Variants in ARB2A observed in about 807,000 individuals in gnomAD.
The protein encoded by ARB2A is ARB2 cotranscriptional regulator A.
chr5:93,620,710 G>T, the ARB2A span: 176 of 318,046 alleles, frequency 5.5e-4, 1 homozygote, highest in African/African-American at 2.9e-3. Flanking sequence ...TTCGCCGGCC[G>T]AGCCAGGCAG....
At chr5:93,727,078 T>A in the ARB2A span, among the ~76,000 whole-genome samples, 1 of 152,044 alleles carries the variant, frequency 6.6e-6, no homozygotes, top group Non-Finnish European at 1.5e-5. Context: ...TAATTAAAAG[T>A]AGTTTGCATT....
At chr5:93,937,711 G>A in the ARB2A span, among the ~76,000 whole-genome samples, 1 of 151,928 alleles carries the variant, frequency 6.6e-6, no homozygotes, top group Non-Finnish European at 1.5e-5. Flanking sequence ...TATCCATGGG[G>A]AATTGTTTCC....
the ARB2A span, among the ~76,000 whole-genome samples, chr5:93,955,529 G>A: frequency 5.3e-5 from 8 of 152,298 alleles, no homozygotes; most frequent in East Asian, 1.3e-3. Flanking sequence ...TAGGGAAAAC[G>A]CTATCCTAGT....
the ARB2A span, among the ~76,000 whole-genome samples, chr5:93,975,207 C>T: frequency 2.6e-5 from 4 of 151,398 alleles, no homozygotes; most frequent in African/African-American, 7.3e-5. Flanking sequence ...GTCCCAGCTA[C>T]TCCAGAGACT....
At chr5:93,741,492 C>T in the ARB2A span, 1 of 1,612,736 alleles carries the variant, frequency 6.2e-7, no homozygotes, top group South Asian at 1.1e-5. Flanking sequence ...GCAGGGGCAT[C>T]GGCCCTCTGG....
At chr5:94,078,955 A>G in the ARB2A span, among the ~76,000 whole-genome samples, 2 of 152,182 alleles carry the variant, frequency 1.3e-5, no homozygotes, top group South Asian at 4.1e-4. Context: ...TAAAAATATT[A>G]GTAATCCACA....
At chr5:93,845,144 C>T in the ARB2A span, among the ~76,000 whole-genome samples, 1 of 152,166 alleles carries the variant, frequency 6.6e-6, no homozygotes, top group African/African-American at 2.4e-5. Context: ...CTTGTAAGTG[C>T]TTTGGGAATC....
At chr5:93,645,576 G>GA in the ARB2A span, among the ~76,000 whole-genome samples, 5,934 of 90,046 alleles carry the variant, frequency 0.066, 390 homozygotes, top group African/African-American at 0.18. Flanking sequence ...CCGTCTCAAA[G>GA]AAAAAAAAAA....
the ARB2A span, among the ~76,000 whole-genome samples, chr5:93,726,353 C>G: frequency 2.6e-5 from 4 of 152,028 alleles, no homozygotes; most frequent in Non-Finnish European, 4.4e-5. Flanking sequence ...GATATGGGTA[C>G]TGGCTCAGGC....
the ARB2A span, among the ~76,000 whole-genome samples, chr5:93,664,655 TA>T: frequency 6.7e-6 from 1 of 148,580 alleles, no homozygotes; most frequent in Non-Finnish European, 1.5e-5. Flanking sequence ...ATATATATAA[TA>T]ATAATAATAT....
chr5:93,909,030 C>CT, the ARB2A span, among the ~76,000 whole-genome samples: 2 of 150,760 alleles, frequency 1.3e-5, no homozygotes, highest in African/African-American at 4.8e-5. Context: ...ATAACAAAAG[C>CT]TTTTTGAAAG....
At chr5:93,875,210 G>A in the ARB2A span, among the ~76,000 whole-genome samples, 1 of 152,028 alleles carries the variant, frequency 6.6e-6, no homozygotes, top group African/African-American at 2.4e-5. Flanking sequence ...TGGAAGAGCT[G>A]GAATTCAAAC....
chr5:93,947,082 G>A, the ARB2A span, among the ~76,000 whole-genome samples: 1 of 152,000 alleles, frequency 6.6e-6, no homozygotes, highest in African/African-American at 2.4e-5. Context: ...TCTTTTGATA[G>A]TTTAATGATC....
chr5:94,003,623 G>A, the ARB2A span, among the ~76,000 whole-genome samples: 1 of 151,890 alleles, frequency 6.6e-6, no homozygotes, highest in African/African-American at 2.4e-5. Flanking sequence ...ATTAAAAAAT[G>A]AAATACTTAG....
the ARB2A span, chr5:93,959,029 G>A: frequency 3.5e-6 from 4 of 1,149,930 alleles, no homozygotes; most frequent in Admixed American, 3.0e-5. Flanking sequence ...ACACATAAAT[G>A]AAAAAACAAC....
chr5:93,950,709 C>T, the ARB2A span, among the ~76,000 whole-genome samples: 5 of 150,882 alleles, frequency 3.3e-5, no homozygotes, highest in African/African-American at 1.2e-4. Flanking sequence ...CTTTGGGAGG[C>T]CAAGGTGGAC....
At chr5:93,741,026 G>C in the ARB2A span, 31 of 1,613,764 alleles carry the variant, frequency 1.9e-5, no homozygotes, top group Non-Finnish European at 2.5e-5. Context: ...AGTGGTCGCA[G>C]CTTCCACATG....
chr5:93,805,585 T>C, the ARB2A span: 52 of 984,948 alleles, frequency 5.3e-5, no homozygotes, highest in Non-Finnish European at 6.3e-5. Flanking sequence ...TACACAGAGG[T>C]CACAATCCTT....
chr5:93,789,557 A>T, the ARB2A span, among the ~76,000 whole-genome samples: 1 of 152,200 alleles, frequency 6.6e-6, no homozygotes. Context: ...TGCAGTTTTT[A>T]TGTGGTTTAA....
Sources: allele counts gnomAD v4.1 joint callset (sites outside exome capture counted in the v4.1 genomes callset), GRCh38; gene constraint gnomAD v4.1.1; transcripts MANE v1.5; gene names NCBI Gene and HGNC (gene_info 2026-07-23, HGNC 2026-07-21).